Variants in SYNPR observed in about 807,000 individuals in gnomAD.
SYNPR encodes the protein synaptoporin.
In SYNPR, 23 loss-of-function variants were observed where a neutral mutation model predicts 32.9. The ratio of observed to expected loss-of-function variants is 0.70; its 90% CI spans 0.50 to 0.99. SYNPR has a LOEUF of 0.99. Among genes scored for constraint, SYNPR ranks in the 50% least tolerant of loss-of-function variants. The pLI is 0.00. For synonymous variants in SYNPR, 146 were observed against 135.9 expected (o/e 1.07, Z -0.52); for missense variants, 318 against 349.3 (o/e 0.91, Z 0.71).
chr3:63,585,645 G>A (rs915194343), intron 4 of SYNPR, among the ~76,000 whole-genome samples: 5 of 151,988 alleles, frequency 3.3e-5, no homozygotes, highest in African/African-American at 1.2e-4. Flanking sequence ...CTTTTATCTG[G>A]AATAATTTTT....
chr3:63,609,100 T>A (rs751394154), intron 4 of SYNPR, 25 bp from the exon 5 acceptor site: 31 of 1,569,022 alleles, frequency 2.0e-5, no homozygotes, highest in Non-Finnish European at 2.6e-5. Context: ...CTTTTACCAT[T>A]TTCTATTCTG....
At chr3:63,343,715 C>T (rs903060374) in intron 2 of SYNPR, among the ~76,000 whole-genome samples, 9 of 152,210 alleles carry the variant, frequency 5.9e-5, no homozygotes, top group South Asian at 2.1e-4. Context: ...TCTGCAGGCT[C>T]ATGATTCCCT....
At position 63,404,598 on chromosome 3, in the gene SYNPR, A is replaced by G. The variant is rs78224562; in HGVS notation, c.85-76234A>G. 9.8e-3 allele frequency among the ~76,000 whole-genome samples: 1,490 copies of G among 152,282 alleles called. 23 individuals are homozygous for G. The highest frequency in any genetic ancestry group is 0.035 in the African/African-American group (1,439 of 41,558). The stretch of plus-strand genomic sequence containing the variant: ...ATCATTTCAATGAAATTTTAATTAC[A>G]TGCTTTTTATTCACTACAGAGACCC... On this transcript the variant is annotated intron_variant, in intron 2 of 5. Transcript: ENST00000478300.
At chr3:63,472,207 CCA>C (rs899769094) in intron 2 of SYNPR, among the ~76,000 whole-genome samples, 3 of 152,130 alleles carry the variant, frequency 2.0e-5, no homozygotes, top group African/African-American at 7.2e-5. Flanking sequence ...ATGAGTCTTT[CCA>C]CAGTGTGCTC....
At chr3:63,268,370 A>G (rs1229846347) in intron 3 of SYNPR, among the ~76,000 whole-genome samples, 1 of 152,200 alleles carries the variant, frequency 6.6e-6, no homozygotes, top group Non-Finnish European at 1.5e-5. Flanking sequence ...CTTGAATAAC[A>G]TGTGGGTTAG....
chr3:63,334,559 G>GTGTGC (rs1191395038), intron 2 of SYNPR, among the ~76,000 whole-genome samples: 1 of 140,964 alleles, frequency 7.1e-6, no homozygotes, highest in Non-Finnish European at 1.6e-5. Context: ...TGTGTGTGTG[G>GTGTGC]ACACACGTGG....
the SYNPR span, among the ~76,000 whole-genome samples, chr3:63,204,644 C>T: frequency 2.0e-5 from 3 of 152,204 alleles, no homozygotes; most frequent in Admixed American, 2.0e-4. Context: ...TCTTCGCTAC[C>T]ACAGCCTCAC....
intron 1 of SYNPR, among the ~76,000 whole-genome samples, chr3:63,245,627 C>A (rs2086277808): frequency 6.6e-6 from 1 of 150,462 alleles, no homozygotes; most frequent in Non-Finnish European, 1.5e-5. Flanking sequence ...CTACTTAATG[C>A]TCAGTACATA....
chr3:63,502,075 T>C (rs1020686186), intron 3 of SYNPR, among the ~76,000 whole-genome samples: 2 of 152,190 alleles, frequency 1.3e-5, no homozygotes, highest in African/African-American at 4.8e-5. Flanking sequence ...ATTTTCGATA[T>C]ATTGGTTTAT....
chr3:63,246,372 C>G (rs2086290586), intron 1 of SYNPR, among the ~76,000 whole-genome samples: 1 of 152,064 alleles, frequency 6.6e-6, no homozygotes, highest in Non-Finnish European at 1.5e-5. Flanking sequence ...TCATTCATCC[C>G]TACATTCATT....
intron 2 of SYNPR, among the ~76,000 whole-genome samples, chr3:63,382,643 A>T (rs982900177): frequency 5.9e-5 from 9 of 152,150 alleles, no homozygotes; most frequent in African/African-American, 2.2e-4. Context: ...CGGGGAACAC[A>T]CCACTGTGTC....
At chr3:63,395,145 G>C (rs2088195460) in intron 2 of SYNPR, among the ~76,000 whole-genome samples, 1 of 152,074 alleles carries the variant, frequency 6.6e-6, no homozygotes, top group African/African-American at 2.4e-5. Context: ...CCAGTTGCTA[G>C]TTTCTGGCTC....
At chr3:63,237,523 C>T (rs1434748993) in intron 1 of SYNPR, among the ~76,000 whole-genome samples, 2 of 152,050 alleles carry the variant, frequency 1.3e-5, no homozygotes, top group Non-Finnish European at 2.9e-5. Flanking sequence ...AATTCTAACA[C>T]CTGATTTATC....
chr3:63,255,009 G>A (rs2086369859), intron 2 of SYNPR, among the ~76,000 whole-genome samples: 1 of 152,112 alleles, frequency 6.6e-6, no homozygotes, highest in Non-Finnish European at 1.5e-5. Flanking sequence ...TGGACTTGCA[G>A]CCTTCACAAC....
chr3:63,319,305 C>G (rs907235495), intron 2 of SYNPR, among the ~76,000 whole-genome samples: 1 of 152,028 alleles, frequency 6.6e-6, no homozygotes, highest in African/African-American at 2.4e-5. Flanking sequence ...ATGACAATAT[C>G]AGACTATTTT....
chr3:63,281,711 A>C (rs1210844629), intron 2 of SYNPR, among the ~76,000 whole-genome samples: 1 of 152,178 alleles, frequency 6.6e-6, no homozygotes, highest in Non-Finnish European at 1.5e-5. Flanking sequence ...TTTGGGAACT[A>C]TATTTCAACA....
rs1455632320 is a variant in SYNPR, at chr3:63,452,981, T to C, written c.85-27851T>C. Among the ~76,000 whole-genome samples, 6 of 152,242 alleles carry C rather than the reference T, an allele frequency of 3.9e-5. No individual in the cohort carries two copies. In the East Asian group the frequency reaches 1.2e-3, roughly 29 times the overall value. On this transcript the variant is annotated intron_variant, in intron 2 of 5. Transcript: ENST00000478300. ...GTCGAATCCTTAACCTTTAAGCATATTTCCATGTAACAGCTTCCTGTTCAA... is the reference window on the plus strand; with the variant it reads ...GTCGAATCCTTAACCTTTAAGCATACTTCCATGTAACAGCTTCCTGTTCAA...
intron 3 of SYNPR, among the ~76,000 whole-genome samples, chr3:63,497,758 GAACA>G (rs879417347): frequency 2.0e-5 from 3 of 151,912 alleles, no homozygotes; most frequent in Non-Finnish European, 4.4e-5. Flanking sequence ...TTCCGTATGG[GAACA>G]AACAGTGGCA....
At chr3:63,210,053 T>C in the SYNPR span, among the ~76,000 whole-genome samples, 2 of 152,198 alleles carry the variant, frequency 1.3e-5, no homozygotes, top group Non-Finnish European at 2.9e-5. Flanking sequence ...GACATTGTTC[T>C]TACTAAGAGA....
Sources: gnomAD v4.1 joint callset for allele counts (sites outside exome capture counted in the v4.1 genomes callset) on GRCh38, gnomAD v4.1.1 for gene constraint, MANE v1.5 for transcripts, NCBI Gene and HGNC (gene_info 2026-07-23, HGNC 2026-07-21) for gene names.